VPS50: variants seen among roughly 807,000 people sequenced by gnomAD.
VPS50 encodes VPS50 subunit of EARP/GARPII complex, also known as syndetin.
In VPS50, 70 loss-of-function variants were observed where a neutral mutation model predicts 139.7. That is an observed-to-expected ratio of 0.50 (90% confidence interval 0.41 to 0.61). The LOEUF (loss-of-function observed/expected upper bound fraction) is 0.61, where lower values mean the gene tolerates loss of function less well. Among genes scored for constraint, VPS50 ranks in the 20% least tolerant of loss-of-function variants. The pLI is 0.00. For missense variants in VPS50, 921 were observed against 1,133.7 expected (o/e 0.81, Z 2.69); for synonymous variants, 365 against 376.7 (o/e 0.97, Z 0.36).
chr7:93,267,923 TG>T (rs1411167447), intron 9 of VPS50, among the ~76,000 whole-genome samples: 5 of 152,200 alleles, frequency 3.3e-5, no homozygotes, highest in African/African-American at 1.2e-4. Flanking sequence ...CATACTAATT[TG>T]GGGCTTTTCT....
intron 2 of VPS50, among the ~76,000 whole-genome samples, chr7:93,243,802 T>C (rs1046198258): frequency 1.3e-5 from 2 of 151,916 alleles, no homozygotes; most frequent in Non-Finnish European, 2.9e-5. Context: ...TGAACCCTGA[T>C]TAAAAAGTAA....
chr7:93,345,873 A>C (rs888602994), intron 23 of VPS50, among the ~76,000 whole-genome samples: 2 of 152,212 alleles, frequency 1.3e-5, no homozygotes, highest in African/African-American at 4.8e-5. Flanking sequence ...CCAATATCAT[A>C]CTGAATGGGC....
Position 93,262,770 on chromosome 7 carries a change from C to T in VPS50, c.659+3138C>T, listed in dbSNP as rs527288386. Among the ~76,000 whole-genome samples the T allele has an allele frequency of 3.7e-4, 56 of 152,296 alleles. No homozygotes were observed. The South Asian group carries it at 3.7e-3, about 10-fold the overall frequency. The stretch of plus-strand genomic sequence containing the variant: ...AGCCCCTCCGCTAGCATTTCTTCTC[C>T]ACCCCATACCAGCACAGTATCCTTT... On this transcript the variant is annotated intron_variant, in intron 9 of 27. Coordinates refer to ENST00000305866, the MANE Select transcript of VPS50 (RefSeq NM_017667.4).
intron 5 of VPS50, among the ~76,000 whole-genome samples, chr7:93,256,889 C>T (rs1795500601): frequency 6.6e-6 from 1 of 152,032 alleles, no homozygotes; most frequent in Non-Finnish European, 1.5e-5. Context: ...GGCAATATAA[C>T]AATCTGGCTT....
chr7:93,351,115 G>T (rs1562901343), intron 25 of VPS50, among the ~76,000 whole-genome samples: 2 of 152,122 alleles, frequency 1.3e-5, no homozygotes, highest in South Asian at 4.2e-4. Flanking sequence ...AGACTGTGAG[G>T]CTGTCTCCAG....
chr7:93,269,333 C>G (rs1200188066), intron 9 of VPS50, among the ~76,000 whole-genome samples: 1 of 151,938 alleles, frequency 6.6e-6, no homozygotes, highest in Non-Finnish European at 1.5e-5. Flanking sequence ...TAATCTATGT[C>G]TGATATTTCA....
chr7:93,333,827 A>G (rs765718355), intron 21 of VPS50: 6 of 343,488 alleles, frequency 1.7e-5, no homozygotes, highest in Non-Finnish European at 3.2e-5. Flanking sequence ...CAAGTTTTGC[A>G]ACTAAAAATA....
chr7:93,312,676 T>G (rs1463377975), intron 20 of VPS50, among the ~76,000 whole-genome samples: 1 of 152,106 alleles, frequency 6.6e-6, no homozygotes, highest in East Asian at 1.9e-4. Context: ...ATTTCTTCTA[T>G]TCTTCTATTT....
At chr7:93,256,893 C>G (rs1407981883) in intron 5 of VPS50, among the ~76,000 whole-genome samples, 1 of 152,040 alleles carries the variant, frequency 6.6e-6, no homozygotes, top group Non-Finnish European at 1.5e-5. Context: ...ATATAACAAT[C>G]TGGCTTTAAA....
At chr7:93,292,373 AAAT>A (rs1365903771) in intron 13 of VPS50, among the ~76,000 whole-genome samples, 1 of 152,142 alleles carries the variant, frequency 6.6e-6, no homozygotes, top group Non-Finnish European at 1.5e-5. Context: ...ACAGTCAGCT[AAAT>A]AATAAAGAAT....
intron 21 of VPS50, among the ~76,000 whole-genome samples, chr7:93,331,752 T>A (rs555415361): frequency 6.6e-6 from 1 of 152,260 alleles, no homozygotes; most frequent in South Asian, 2.1e-4. Flanking sequence ...TTCCTCATGG[T>A]TAACAACGTT....
chr7:93,264,661 T>C (rs761862928), intron 9 of VPS50, among the ~76,000 whole-genome samples: 1 of 152,192 alleles, frequency 6.6e-6, no homozygotes. Context: ...AAATTGTAGG[T>C]TGTAGAATGT....
At chr7:93,353,812 A>T (rs1562902624) in intron 26 of VPS50, 51 bp downstream of exon 26, 4 of 1,379,124 alleles carry the variant, frequency 2.9e-6, no homozygotes, top group Non-Finnish European at 4.1e-6. Flanking sequence ...AAATTGTAAT[A>T]TATGAATAAC....
intron 16 of VPS50, among the ~76,000 whole-genome samples, 181 bp downstream of exon 16, chr7:93,297,424 A>G (rs1157453179): frequency 6.6e-6 from 1 of 152,158 alleles, no homozygotes; most frequent in Non-Finnish European, 1.5e-5. Flanking sequence ...TTCTCATTAC[A>G]TATTCATTGT....
intron 9 of VPS50, among the ~76,000 whole-genome samples, chr7:93,268,546 C>T (rs1389952791): frequency 6.6e-6 from 1 of 152,118 alleles, no homozygotes; most frequent in Non-Finnish European, 1.5e-5. Context: ...TCTCATTGTT[C>T]ATCTCCCACT....
chr7:93,350,369 A>G (rs1798521923), intron 25 of VPS50, among the ~76,000 whole-genome samples: 1 of 152,226 alleles, frequency 6.6e-6, no homozygotes, highest in Non-Finnish European at 1.5e-5. Context: ...GTTTAGCATA[A>G]TATTCATTAG....
Position 93,276,284 on chromosome 7 carries a change from G to A in VPS50, c.921G>A (p.Leu307=), listed in dbSNP as rs771287583. The change falls in exon 12 of 28, where the codon CTG becomes CTA. Residue 307 remains leucine, a synonymous_variant. Transcript: ENST00000305866. The part of the protein sequence containing the change: ...AGNTDTKFQK[L]QYKDLCTHVT... The stretch of plus-strand genomic sequence containing the variant: ...ACACAGACACAAAATTCCAAAAGCT[G>A]CAATATAAGGATCTCTGTACAGTAT... 3 of 1,613,120 alleles carry A rather than the reference G, an allele frequency of 1.9e-6. No individual in the cohort carries two copies. The South Asian group carries it at 3.3e-5, about 18-fold the overall frequency.
rs1798817330 is a variant in VPS50, at chr7:93,361,011, A to G, written c.*2575A>G. On this transcript the variant is annotated 3_prime_UTR_variant, in exon 28 of 28. Coordinates refer to ENST00000305866, the MANE Select transcript of VPS50 (RefSeq NM_017667.4). Reference sequence around the variant, plus strand: ...CTATTTAGCTGAGTGCTAAAGTGAAACTTTGTTAGATTAAATAGCTTTTTC... The same window carrying G: ...CTATTTAGCTGAGTGCTAAAGTGAAGCTTTGTTAGATTAAATAGCTTTTTC... 1 of 151,868 alleles carries G rather than the reference A, an allele frequency of 6.6e-6. No homozygotes were observed. Among genetic ancestry groups the G allele is most frequent in the Admixed American group, 6.6e-5 (1 of 15,216 alleles). The allele number at this position is 151,868 out of a possible 1,614,324, so 9.4% of individuals were successfully genotyped here.
chr7:93,271,017 T>G (rs553712049), intron 9 of VPS50: 2 of 673,164 alleles, frequency 3.0e-6, no homozygotes, highest in African/African-American at 3.8e-5. Context: ...ACTCACGCAA[T>G]CCTGTTGCTG....
Sources: gnomAD v4.1 joint callset for allele counts (sites outside exome capture counted in the v4.1 genomes callset) on GRCh38, gnomAD v4.1.1 for gene constraint, MANE v1.5 for transcripts, NCBI Gene and HGNC (gene_info 2026-07-23, HGNC 2026-07-21) for gene names.